Variants in SDR9C7 observed in about 807,000 individuals in gnomAD.
The protein encoded by SDR9C7 is short-chain dehydrogenase/reductase family 9C member 7.
A neutral mutation model predicts 23.6 loss-of-function variants in SDR9C7; 11 were observed. The ratio of observed to expected loss-of-function variants is 0.47; its 90% confidence interval spans 0.29 to 0.77. SDR9C7 has a LOEUF of 0.77. SDR9C7 is among the 30% of genes least tolerant of loss of function. The probability of loss-of-function intolerance (pLI) is 0.09; values close to 1 mark genes in which losing one functional copy is unlikely to be tolerated. For synonymous variants in SDR9C7, 167 were observed against 157.3 expected, an observed-to-expected ratio of 1.06 and a Z score of -0.46; for missense variants, 387 against 407.1, an observed-to-expected ratio of 0.95 and a Z score of 0.42.
rs1302894774 is a variant in SDR9C7 at position 56,930,303 on chromosome 12, A to G, written c.483T>C (p.Ser161=). The change falls in exon 2 of 4, where the codon TCT becomes TCC. Residue 161 remains serine, a synonymous_variant. Coordinates refer to ENST00000293502, the MANE Select transcript of SDR9C7 (RefSeq NM_148897.3). ...CACCAATGACAGCCACACGACCACC[A>G]GAGCTGGACATGTTGACAACCCTGC... is the stretch of plus-strand genomic sequence containing the variant. The part of the protein sequence containing the change: ...ARGRVVNMSS[S]GGRVAVIGGG... The G allele has an allele frequency of 1.2e-6, 2 of 1,614,156 alleles. No homozygotes were observed. The highest frequency in any genetic ancestry group is 1.7e-5 in the Admixed American group (1 of 60,024).
At position 56,924,037 on chromosome 12, in the gene SDR9C7, T is replaced by C. The variant is rs548218762; in HGVS notation, c.738A>G (p.Leu246=). ...EDYFRIYTDK[L]KNIMQVAEPR... ...GCTCTGCCACCTGCATTATGTTTTTTAACTTGTCAGTATCTGTTTGAGGGC... is the reference window on the plus strand; with the variant it reads ...GCTCTGCCACCTGCATTATGTTTTTCAACTTGTCAGTATCTGTTTGAGGGC... The change falls in exon 4 of 4, where the codon TTA becomes TTG. Residue 246 remains leucine (L), a synonymous_variant. Coordinates refer to ENST00000293502, the MANE Select transcript of SDR9C7 (RefSeq NM_148897.3). The C allele has an allele frequency of 3.1e-6, 5 of 1,612,168 alleles. No homozygotes were observed. In the Admixed American group the frequency reaches 6.7e-5, roughly 21 times the overall value.
rs1461084571 is a variant in SDR9C7, at chr12:56,930,298, C to G, written c.488G>C (p.Gly163Ala). Residue 163 changes from glycine to alanine, a missense_variant, in exon 2 of 4, where the codon GGT becomes GCT. Physicochemically the swap from Gly to Ala is moderately conservative, Grantham distance 60 (BLOSUM62 0). Coordinates refer to ENST00000293502, the MANE Select transcript of SDR9C7 (RefSeq NM_148897.3). The stretch of plus-strand genomic sequence containing the variant: ...GCCACCACCAATGACAGCCACACGA[C>G]CACCAGAGCTGGACATGTTGACAAC... ...GRVVNMSSSG[G>A]RVAVIGGGYC... 2 of 1,614,160 alleles carry G rather than the reference C, an allele frequency of 1.2e-6. No homozygotes were observed. Among genetic ancestry groups the G allele is most frequent in the Admixed American group, 3.3e-5 (2 of 60,030 alleles).
At chr12:56,925,023 T>G (rs67377945) in intron 3 of SDR9C7, among the ~76,000 whole-genome samples, 29,845 of 152,008 alleles carry the variant, frequency 0.2, 3,136 homozygotes, top group African/African-American at 0.26. Flanking sequence ...CCTTTTTTTT[T>G]TCTTCTATGT....
At chr12:56,929,643 T>C (rs906715912) in intron 2 of SDR9C7, 90 bp from the exon 3 acceptor site, 31 of 1,437,652 alleles carry the variant, frequency 2.2e-5, no homozygotes, top group Non-Finnish European at 2.8e-5. Flanking sequence ...TTCAGGAACC[T>C]AGAGATGCTT....
intron 2 of SDR9C7, among the ~76,000 whole-genome samples, chr12:56,929,796 C>A (rs573023644): frequency 6.6e-6 from 1 of 152,360 alleles, no homozygotes; most frequent in East Asian, 1.9e-4. Flanking sequence ...AATAGAGAAT[C>A]TAGGCCAAAG....
chr12:56,929,494 G>C lies in SDR9C7; in HGVS notation c.620C>G (p.Thr207Arg), dbSNP rs765897532. 6.2e-7 allele frequency: 1 copy of C among 1,613,738 alleles called. No homozygotes were observed. Reference protein sequence around the residue: ...VCIIEPGNYRTAILGKENLES... With the variant: ...VCIIEPGNYRRAILGKENLES... ...CAGGTTCTCCTTGCCGAGAATGGCTGTCCGATAGTTCCCTGGCTCAATGAT... is the reference window on the plus strand; with the variant it reads ...CAGGTTCTCCTTGCCGAGAATGGCTCTCCGATAGTTCCCTGGCTCAATGAT... Residue 207 changes from threonine to arginine, a missense_variant, in exon 3 of 4, where the codon ACA (threonine) becomes AGA (arginine). Thr to Arg is a moderately conservative substitution (Grantham distance 71, BLOSUM62 -1). Transcript: ENST00000293502.
chr12:56,923,599 G>GT lies in SDR9C7; in HGVS notation c.*233_*234insA. 2.4e-6 allele frequency: 1 copy of GT among 410,280 alleles called. No individual in the cohort carries two copies. The highest frequency in any genetic ancestry group is 4.3e-6 in the Non-Finnish European group (1 of 230,468). 25.4% of individuals were successfully genotyped at this position (410,280 alleles called of 1,614,324 possible). On this transcript the variant is annotated 3_prime_UTR_variant, in exon 4 of 4. Transcript: ENST00000293502. ...AGACGTCCTTGGAGCTATTGCTGCA[G>GT]ATCGCTGAACCTGCAAAGACCACCT...
rs539456767 is a variant in SDR9C7, at chr12:56,929,774, C to T, written c.561-221G>A. Among the ~76,000 whole-genome samples, 69 of 152,370 alleles carry T rather than the reference C, an allele frequency of 4.5e-4. 1 individual carries two copies. The highest frequency in any genetic ancestry group is 1.2e-3 in the South Asian group (6 of 4,824). On this transcript the variant is annotated intron_variant, in intron 2 of 3. Coordinates refer to ENST00000293502, the MANE Select transcript of SDR9C7 (RefSeq NM_148897.3). Reference sequence around the variant, plus strand: ...GGCAATTTGCATTAGGCACAACCAGCGGGAAGAAGTCAATAGAGAATCTAG... The same window carrying T: ...GGCAATTTGCATTAGGCACAACCAGTGGGAAGAAGTCAATAGAGAATCTAG...
chr12:56,930,572 A>C (rs1955763172), intron 1 of SDR9C7, 88 bp from the exon 2 acceptor site: 3 of 1,455,850 alleles, frequency 2.1e-6, no homozygotes, highest in Non-Finnish European at 2.8e-6. Flanking sequence ...GCCCTCAAGG[A>C]TGGTTGAGCA....
In SDR9C7 at chr12:56,934,407, G is replaced by A. The variant is rs1368835648; in HGVS notation, c.-146C>T. The A allele has an allele frequency of 6.0e-6, 4 of 662,746 alleles. No individual in the cohort carries two copies. Among genetic ancestry groups the A allele is most frequent in the Non-Finnish European group, 1.0e-5 (4 of 392,596 alleles). 41.1% of individuals were successfully genotyped at this position (662,746 alleles called of 1,614,324 possible). The stretch of plus-strand genomic sequence containing the variant: ...CCTCCCACAGCTTGCAACAAATCTA[G>A]GTCCCTGGGTGAGCCACGCTGTAAT... On this transcript the variant is annotated 5_prime_UTR_variant, in exon 1 of 4. Coordinates refer to ENST00000293502, the MANE Select transcript of SDR9C7 (RefSeq NM_148897.3).
At chr12:56,926,033 C>T (rs189188678) in intron 3 of SDR9C7, among the ~76,000 whole-genome samples, 27 of 152,288 alleles carry the variant, frequency 1.8e-4, no homozygotes, top group Middle Eastern at 3.4e-3. Context: ...GGATGGGAGA[C>T]GGAAGGACCC....
intron 3 of SDR9C7, among the ~76,000 whole-genome samples, chr12:56,927,323 C>T (rs1565613014): frequency 6.6e-6 from 1 of 152,308 alleles, no homozygotes; most frequent in East Asian, 1.9e-4. Context: ...GTGAGGTTTC[C>T]AGACACTGGC....
rs1261304396 is a variant in SDR9C7 at position 56,930,548 on chromosome 12, C to T, written c.302-64G>A. The T allele has an allele frequency of 3.8e-6, 6 of 1,567,416 alleles. No individual in the cohort carries two copies. The East Asian group carries it at 9.1e-5, about 24-fold the overall frequency. ...CCTGGGAAAGAACCAAGTTCTGCTC[C>T]CCACCGGCTCAGTGCCCTCAAGGAT... On this transcript the variant is annotated intron_variant, in intron 1 of 3. Coordinates refer to ENST00000293502, the MANE Select transcript of SDR9C7 (RefSeq NM_148897.3).
chr12:56,932,085 C>T (rs1303401406), intron 1 of SDR9C7, among the ~76,000 whole-genome samples: 1 of 152,200 alleles, frequency 6.6e-6, no homozygotes, highest in Non-Finnish European at 1.5e-5. Flanking sequence ...CCAAAGATGT[C>T]CCCATCCTCA....
At chr12:56,930,123 G>C in intron 2 of SDR9C7, 103 bp downstream of exon 2, 1 of 1,363,436 alleles carries the variant, frequency 7.3e-7, no homozygotes, top group Non-Finnish European at 1.0e-6. Flanking sequence ...TATTGTGTTA[G>C]CTTCCTGTCT....
In SDR9C7 at chr12:56,923,822, T is replaced by A. The variant is rs1955714258; in HGVS notation, c.*11A>T. On this transcript the variant is annotated 3_prime_UTR_variant, in exon 4 of 4. Coordinates refer to ENST00000293502, the MANE Select transcript of SDR9C7 (RefSeq NM_148897.3). Reference sequence around the variant, plus strand: ...CTTCTAGGCTCCACTGACCCATTGATCCTCCCCAGTTTAGACACTGTCCGC... The same window carrying A: ...CTTCTAGGCTCCACTGACCCATTGAACCTCCCCAGTTTAGACACTGTCCGC... 6 of 1,576,228 alleles carry A rather than the reference T, an allele frequency of 3.8e-6. No individual in the cohort carries two copies. Among genetic ancestry groups the A allele is most frequent in the Non-Finnish European group, 5.2e-6 (6 of 1,156,226 alleles).
intron 3 of SDR9C7, 81 bp downstream of exon 3, chr12:56,929,309 A>G (rs1037028706): frequency 2.9e-6 from 4 of 1,403,418 alleles, no homozygotes; most frequent in Non-Finnish European, 2.0e-6. Context: ...TTGTCTCACC[A>G]TCTGTAAACG....
rs146862985 is a variant in SDR9C7 at position 56,934,220 on chromosome 12, G to A, written c.42C>T (p.Phe14=). 4.3e-6 allele frequency: 7 copies of A among 1,614,090 alleles called. No individual in the cohort carries two copies. Among genetic ancestry groups the A allele is most frequent in the African/African-American group, 2.7e-5 (2 of 74,942 alleles). Residue 14 remains phenylalanine, a synonymous_variant, in exon 1 of 4, where the codon TTC becomes TTT. Coordinates refer to ENST00000293502, the MANE Select transcript of SDR9C7 (RefSeq NM_148897.3). ...LTDLSFMYRW[F]KNCNLVGNLS... is the part of the protein sequence containing the mutation. ...GGTTGCCAACCAGATTGCAGTTCTTGAACCAGCGATACATAAATGAGAGGT... is the reference window on the plus strand; with the variant it reads ...GGTTGCCAACCAGATTGCAGTTCTTAAACCAGCGATACATAAATGAGAGGT...
intron 1 of SDR9C7, among the ~76,000 whole-genome samples, chr12:56,933,551 G>A (rs1955780087): frequency 6.6e-6 from 1 of 152,120 alleles, no homozygotes; most frequent in South Asian, 2.1e-4. Context: ...GTAGAGATGG[G>A]GTTTCACCAT....
Sources: allele counts gnomAD v4.1 joint callset (sites outside exome capture counted in the v4.1 genomes callset), GRCh38; gene constraint gnomAD v4.1.1; transcripts MANE v1.5; gene names NCBI Gene and HGNC (gene_info 2026-07-23, HGNC 2026-07-21).